MPPED2: variants seen among roughly 807,000 people sequenced by gnomAD.
MPPED2 encodes metallophosphoesterase domain containing 2.
MPPED2 carries 5 observed loss-of-function variants against 33.0 expected under a neutral mutation model. That is an observed-to-expected ratio of 0.15 (90% confidence interval 0.08 to 0.32). The LOEUF (loss-of-function observed/expected upper bound fraction) is 0.32, where lower values mean the gene tolerates loss of function less well. Ranked by LOEUF, MPPED2 falls within the 10% of genes least tolerant of loss-of-function variation. The probability of loss-of-function intolerance (pLI) is 1.00; values close to 1 mark genes in which losing one functional copy is unlikely to be tolerated. For synonymous variants in MPPED2, 136 were observed against 141.9 expected (o/e 0.96, Z 0.29); for missense variants, 275 against 372.1 (o/e 0.74, Z 2.15).
At chr11:30,566,462 T>A (rs1266918992) in intron 2 of MPPED2, among the ~76,000 whole-genome samples, 1 of 152,140 alleles carries the variant, frequency 6.6e-6, no homozygotes, top group Non-Finnish European at 1.5e-5. Flanking sequence ...TCAGAAATAC[T>A]CACTCTGAGC....
chr11:30,552,115 C>A (rs1043096402), intron 2 of MPPED2, among the ~76,000 whole-genome samples: 1 of 152,162 alleles, frequency 6.6e-6, no homozygotes, highest in African/African-American at 2.4e-5. Context: ...TAAGTCAATT[C>A]CATCTCTTAA....
At chr11:30,495,128 C>T in intron 4 of MPPED2, 168 bp downstream of exon 4, 1 of 613,356 alleles carries the variant, frequency 1.6e-6, no homozygotes, top group East Asian at 2.8e-5. Context: ...ACAATGAAAA[C>T]AACAAGTGTT....
intron 3 of MPPED2, among the ~76,000 whole-genome samples, chr11:30,526,617 C>A (rs1954194534): frequency 6.6e-6 from 1 of 151,808 alleles, no homozygotes; most frequent in African/African-American, 2.4e-5. Flanking sequence ...TCTGCCCTTC[C>A]TAAAGCCTTC....
intron 3 of MPPED2, among the ~76,000 whole-genome samples, chr11:30,528,960 T>G (rs1954357285): frequency 6.6e-6 from 1 of 152,212 alleles, no homozygotes; most frequent in Admixed American, 6.5e-5. Flanking sequence ...ATATATCCTA[T>G]GAATATAATT....
At chr11:30,519,207 T>C (rs1300495516) in intron 3 of MPPED2, among the ~76,000 whole-genome samples, 1 of 152,074 alleles carries the variant, frequency 6.6e-6, no homozygotes, top group Non-Finnish European at 1.5e-5. Flanking sequence ...AGGCAGAGGT[T>C]ACAGTAAGTG....
At chr11:30,566,844 C>A (rs1956464596) in intron 2 of MPPED2, among the ~76,000 whole-genome samples, 1 of 152,046 alleles carries the variant, frequency 6.6e-6, no homozygotes, top group African/African-American at 2.4e-5. Context: ...ATAAGTGCAG[C>A]CAAAGGACAG....
At chr11:30,417,043 T>C (rs1258104450) in intron 5 of MPPED2, among the ~76,000 whole-genome samples, 1 of 152,182 alleles carries the variant, frequency 6.6e-6, no homozygotes, top group Non-Finnish European at 1.5e-5. Context: ...AGGATTCTTT[T>C]CTAAAATTAT....
At chr11:30,394,773 A>AT (rs1947820398) in intron 6 of MPPED2, among the ~76,000 whole-genome samples, 1 of 152,090 alleles carries the variant, frequency 6.6e-6, no homozygotes, top group Non-Finnish European at 1.5e-5. Flanking sequence ...CAACTTACAA[A>AT]TTTTTTTCTA....
intron 4 of MPPED2, among the ~76,000 whole-genome samples, chr11:30,487,400 C>T (rs1466463014): frequency 6.6e-6 from 1 of 152,202 alleles, no homozygotes; most frequent in Non-Finnish European, 1.5e-5. Flanking sequence ...CTATACTTGC[C>T]TCCTGATATG....
chr11:30,386,080 G>T (rs1054245935), exon 7 of MPPED2: 3 of 152,130 alleles, frequency 2.0e-5, no homozygotes, highest in Non-Finnish European at 2.9e-5. Context: ...TCTGAGGCTG[G>T]GAAATTGATA....
At chr11:30,501,594 G>A (rs1952564534) in intron 3 of MPPED2, 1 of 973,358 alleles carries the variant, frequency 1.0e-6, no homozygotes, top group African/African-American at 1.8e-5. Flanking sequence ...TCTCATTCAT[G>A]AATGATTAGT....
At chr11:30,545,926 G>C (rs567565468) in intron 2 of MPPED2, among the ~76,000 whole-genome samples, 1 of 152,054 alleles carries the variant, frequency 6.6e-6, no homozygotes, top group African/African-American at 2.4e-5. Context: ...GCAGTGGCAC[G>C]GTCTCGGCTC....
At chr11:30,568,919 ATTT>A (rs199942601) in intron 2 of MPPED2, among the ~76,000 whole-genome samples, 1 of 151,122 alleles carries the variant, frequency 6.6e-6, no homozygotes, top group Non-Finnish European at 1.5e-5. Flanking sequence ...AAAAGGGCTC[ATTT>A]TTTTTTGTTC....
At chr11:30,453,801 T>C (rs1176959275) in intron 4 of MPPED2, among the ~76,000 whole-genome samples, 3 of 152,214 alleles carry the variant, frequency 2.0e-5, no homozygotes, top group Non-Finnish European at 4.4e-5. Flanking sequence ...ACTTGATTAC[T>C]CTCTTCAAAG....
chr11:30,548,706 A>T (rs12293201), intron 2 of MPPED2, among the ~76,000 whole-genome samples: 2,802 of 152,304 alleles, frequency 0.018, 82 homozygotes, highest in African/African-American at 0.064. Flanking sequence ...CCAAGCAAAG[A>T]ACTGGAGTAA....
intron 4 of MPPED2, among the ~76,000 whole-genome samples, chr11:30,436,117 T>C (rs1244496379): frequency 6.6e-6 from 1 of 150,890 alleles, no homozygotes; most frequent in Non-Finnish European, 1.5e-5. Context: ...TAAGAGAGCT[T>C]AGTATTTTAG....
chr11:30,489,454 A>C (rs1390489535), intron 4 of MPPED2, among the ~76,000 whole-genome samples: 1 of 152,262 alleles, frequency 6.6e-6, no homozygotes, highest in African/African-American at 2.4e-5. Context: ...TGAATGAATG[A>C]ATTCAACATG....
At chr11:30,475,569 C>T (rs944062312) in intron 4 of MPPED2, among the ~76,000 whole-genome samples, 6 of 152,184 alleles carry the variant, frequency 3.9e-5, no homozygotes, top group African/African-American at 1.2e-4. Flanking sequence ...TTGTGTCTGG[C>T]GTCTTTCATT....
At chr11:30,495,986 A>G (rs1952232730) in intron 3 of MPPED2, among the ~76,000 whole-genome samples, 1 of 152,194 alleles carries the variant, frequency 6.6e-6, no homozygotes, top group Non-Finnish European at 1.5e-5. Flanking sequence ...GCATAGTCAA[A>G]CATTCCATAA....
Sources: gnomAD v4.1 joint callset for allele counts (sites outside exome capture counted in the v4.1 genomes callset) on GRCh38, gnomAD v4.1.1 for gene constraint, MANE v1.5 for transcripts, NCBI Gene and HGNC (gene_info 2026-07-23, HGNC 2026-07-21) for gene names.